The following SNX9 variants were observed in gnomAD, a reference collection of about 807,000 sequenced individuals.
The protein encoded by SNX9 is sorting nexin 9, also known as sorting nexin-9.
In SNX9, 44 loss-of-function variants were observed where a neutral mutation model predicts 89.4. The ratio of observed to expected loss-of-function variants is 0.49; its 90% CI spans 0.39 to 0.63. The LOEUF (loss-of-function observed/expected upper bound fraction) is 0.63. SNX9 is among the 30% of genes least tolerant of loss of function. The pLI, the probability that SNX9 is intolerant of heterozygous loss-of-function variation, is 0.00. For missense variants in SNX9, 578 were observed against 736.1 expected (o/e 0.79, Z 2.49); for synonymous variants, 236 against 247.8 (o/e 0.95, Z 0.45).
In SNX9 at chr6:157,932,231, T is replaced by C; in HGVS notation, c.1325T>C (p.Leu442Ser). 6.2e-7 allele frequency: 1 copy of C among 1,614,210 alleles called. No homozygotes were observed. The highest frequency in any genetic ancestry group is 2.2e-5 in the East Asian group (1 of 44,880). ...GAATATCAGAAGATAGGAAAGGCCT[T>C]GCAGAGTTTGGCCACAGTGTTCAGT... is the stretch of plus-strand genomic sequence containing the variant. ...PKEYQKIGKA[L>S]QSLATVFSSS... Residue 442 changes from leucine to serine, a missense_variant, in exon 13 of 18, where the codon TTG (leucine) becomes TCG (serine). Leu to Ser is a moderately radical substitution (Grantham distance 145, BLOSUM62 -2). Around this residue, in one of 2 missense-constraint regions of SNX9, gnomAD observed 348 missense variants for 491.4 expected, o/e 0.71. Transcript: ENST00000392185.
Position 157,887,895 on chromosome 6 carries a change from C to T in SNX9, c.301-8932C>T, listed in dbSNP as rs368599095. Reference sequence around the variant, plus strand: ...CTTCCCTACAGGACAGTTGTGGAACCGGGATTTGAAGCCTGGAAGCTGGGC... The same window carrying T: ...CTTCCCTACAGGACAGTTGTGGAACTGGGATTTGAAGCCTGGAAGCTGGGC... On this transcript the variant is annotated intron_variant, in intron 4 of 17. Transcript: ENST00000392185. Among the ~76,000 whole-genome samples, 5 of 152,258 alleles carry T rather than the reference C, an allele frequency of 3.3e-5. No individual in the cohort carries two copies. The South Asian group carries it at 1.0e-3, about 32-fold the overall frequency.
chr6:157,932,570 CAG>C (rs1337600709), intron 13 of SNX9, among the ~76,000 whole-genome samples: 2 of 152,082 alleles, frequency 1.3e-5, no homozygotes, highest in African/African-American at 2.4e-5. Flanking sequence ...CTTCCTGTGA[CAG>C]AGGCCAGATT....
At chr6:157,896,167 G>A (rs1158698657) in intron 4 of SNX9, among the ~76,000 whole-genome samples, 1 of 152,192 alleles carries the variant, frequency 6.6e-6, no homozygotes, top group African/African-American at 2.4e-5. Context: ...AACTGAATTT[G>A]TTGTAATTTT....
At chr6:157,850,107 G>C (rs1781880436) in intron 1 of SNX9, among the ~76,000 whole-genome samples, 1 of 152,228 alleles carries the variant, frequency 6.6e-6, no homozygotes, top group Non-Finnish European at 1.5e-5. Context: ...AGGTGTGGAG[G>C]GGCGAGGGGA....
intron 1 of SNX9, among the ~76,000 whole-genome samples, chr6:157,838,317 ATT>A (rs11318113): frequency 2.0e-3 from 295 of 145,944 alleles, no homozygotes; most frequent in African/African-American, 6.1e-3. Flanking sequence ...TCGACCAATA[ATT>A]TTTTTTTTTT....
At chr6:157,824,768 C>T (rs1781309337) in intron 1 of SNX9, among the ~76,000 whole-genome samples, 1 of 152,060 alleles carries the variant, frequency 6.6e-6, no homozygotes, top group Non-Finnish European at 1.5e-5. Flanking sequence ...CTGTGCTGTG[C>T]TTTGGTTTTA....
intron 1 of SNX9, among the ~76,000 whole-genome samples, chr6:157,857,247 T>G (rs541488302): frequency 6.6e-6 from 1 of 152,360 alleles, no homozygotes; most frequent in African/African-American, 2.4e-5. Flanking sequence ...CCTGTGTCTT[T>G]TTGACACAAC....
chr6:157,824,909 CCA>C (rs1781311794), intron 1 of SNX9, among the ~76,000 whole-genome samples: 2 of 152,142 alleles, frequency 1.3e-5, no homozygotes, highest in Admixed American at 1.3e-4. Context: ...CCAGAAATTA[CCA>C]GTTACACATC....
chr6:157,891,776 G>A (rs1190746375), intron 4 of SNX9, among the ~76,000 whole-genome samples: 1 of 152,222 alleles, frequency 6.6e-6, no homozygotes, highest in African/African-American at 2.4e-5. Flanking sequence ...ATGGGGTAGG[G>A]CTTTGCTAAA....
At chr6:157,939,253 A>G (rs1783987662) in intron 16 of SNX9, among the ~76,000 whole-genome samples, 1 of 152,100 alleles carries the variant, frequency 6.6e-6, no homozygotes, top group Non-Finnish European at 1.5e-5. Flanking sequence ...ATGGGCAGAG[A>G]ATGGAGAGCG....
At chr6:157,832,677 G>T (rs1781499303) in intron 1 of SNX9, among the ~76,000 whole-genome samples, 2 of 152,182 alleles carry the variant, frequency 1.3e-5, no homozygotes, top group Non-Finnish European at 2.9e-5. Context: ...GCAGGAAGAA[G>T]TGCCGAGCAA....
chr6:157,937,790 T>C (rs1222014433), intron 15 of SNX9, among the ~76,000 whole-genome samples: 1 of 152,242 alleles, frequency 6.6e-6, no homozygotes, highest in Middle Eastern at 3.2e-3. Flanking sequence ...TAGTAGTCTA[T>C]CGTATATTAT....
intron 1 of SNX9, among the ~76,000 whole-genome samples, chr6:157,840,975 A>C (rs1004173763): frequency 6.6e-6 from 1 of 152,140 alleles, no homozygotes; most frequent in Admixed American, 6.6e-5. Flanking sequence ...TGACTGATGA[A>C]ACCATTTCTG....
At chr6:157,858,221 G>A (rs530114472) in intron 1 of SNX9, among the ~76,000 whole-genome samples, 7 of 151,596 alleles carry the variant, frequency 4.6e-5, no homozygotes, top group East Asian at 1.9e-4. Context: ...ACATGAACTC[G>A]TCCGGAGTCT....
intron 4 of SNX9, among the ~76,000 whole-genome samples, chr6:157,889,619 G>A (rs1009068772): frequency 1.3e-5 from 2 of 152,098 alleles, no homozygotes; most frequent in African/African-American, 2.4e-5. Flanking sequence ...AAATATTTCT[G>A]TCTTCTTCCT....
At chr6:157,937,789 A>G (rs1014041733) in intron 15 of SNX9, among the ~76,000 whole-genome samples, 1 of 152,210 alleles carries the variant, frequency 6.6e-6, no homozygotes, top group Non-Finnish European at 1.5e-5. Flanking sequence ...ATAGTAGTCT[A>G]TCGTATATTA....
Position 157,860,752 on chromosome 6 carries a change from G to A in SNX9, c.13-6795G>A, listed in dbSNP as rs568715713. On this transcript the variant is annotated intron_variant, in intron 1 of 17. Transcript: ENST00000392185. ...AGTACTTTCCAGAGCTGTTCTGCAC[G>A]AGTGAACTACAGAGAGAGGGAGAGC... is the stretch of plus-strand genomic sequence containing the variant. 2.6e-5 allele frequency among the ~76,000 whole-genome samples: 4 copies of A among 152,320 alleles called. No individual in the cohort carries two copies. In the East Asian group the frequency reaches 5.8e-4, roughly 22 times the overall value.
intron 1 of SNX9, among the ~76,000 whole-genome samples, chr6:157,829,614 T>A (rs773500612): frequency 6.6e-6 from 1 of 152,202 alleles, no homozygotes; most frequent in Non-Finnish European, 1.5e-5. Context: ...GCTAAAATGG[T>A]GAATTTAAAA....
At chr6:157,911,075 C>T (rs775820422) in intron 9 of SNX9, among the ~76,000 whole-genome samples, 22 of 151,822 alleles carry the variant, frequency 1.4e-4, no homozygotes, top group Non-Finnish European at 2.8e-4. Flanking sequence ...ATTGCGCCAC[C>T]GCACTCCAGC....
Sources: allele counts gnomAD v4.1 joint callset (sites outside exome capture counted in the v4.1 genomes callset), GRCh38; gene constraint gnomAD v4.1.1; regional missense constraint gnomAD v4.1.1; transcripts MANE v1.5; gene names NCBI Gene and HGNC (gene_info 2026-07-23, HGNC 2026-07-21).